DMBT1: variants seen among roughly 807,000 people sequenced by gnomAD.
DMBT1 encodes the protein scavenger receptor cysteine-rich domain-containing protein DMBT1.
In DMBT1, 198 loss-of-function variants were observed where a neutral mutation model predicts 252.9. The observed-to-expected ratio is 0.78, with a 90% CI of 0.70 to 0.88. The LOEUF (loss-of-function observed/expected upper bound fraction) is 0.88. Ranked by LOEUF, DMBT1 falls within the 40% of genes least tolerant of loss-of-function variation. The pLI is 0.00. For synonymous variants in DMBT1, 990 were observed against 942.7 expected (o/e 1.05, Z -0.92); for missense variants, 2,432 against 2,404.7 (o/e 1.01, Z -0.24).
At chr10:122,624,045 C>T (rs994072606) in intron 44 of DMBT1, among the ~76,000 whole-genome samples, 7 of 152,286 alleles carry the variant, frequency 4.6e-5, no homozygotes, top group East Asian at 1.9e-4. Flanking sequence ...GAATAAGCCT[C>T]GGGCCTGATG....
At chr10:122,569,173 A>G (rs2097636198) in intron 2 of DMBT1, among the ~76,000 whole-genome samples, 1 of 151,746 alleles carries the variant, frequency 6.6e-6, no homozygotes. Context: ...CAATCACCTC[A>G]TGGAGTGGTT....
At position 122,597,982 on chromosome 10, in the gene DMBT1, C is replaced by T; in HGVS notation, c.2926C>T (p.Pro976Ser). The stretch of plus-strand genomic sequence containing the variant: ...CTCTGTTGCAATTACAGACACATTG[C>T]CGACCATCACCTTGCCTGCATCGAC... Reference protein sequence around the residue: ...SWSTPSPDTLPTITLPASTVG... With the variant: ...SWSTPSPDTLSTITLPASTVG... The change falls in exon 25 of 56, where the codon CCG becomes TCG. Residue 976 changes from proline (P) to serine (S), a missense_variant. Pro to Ser is a moderately conservative substitution (Grantham distance 74). Transcript: ENST00000338354. 2 of 1,613,878 alleles carry T rather than the reference C, an allele frequency of 1.2e-6. No homozygotes were observed. The highest frequency in any genetic ancestry group is 1.7e-6 in the Non-Finnish European group (2 of 1,179,834).
At chr10:122,620,312 T>C in intron 43 of DMBT1, 21 bp downstream of exon 43, 1 of 1,613,372 alleles carries the variant, frequency 6.2e-7, no homozygotes, top group Non-Finnish European at 8.5e-7. Flanking sequence ...CTCTCGCCCC[T>C]CCCTAGGGCT....
chr10:122,600,837 C>T (rs2097945978), intron 27 of DMBT1, among the ~76,000 whole-genome samples, 154 bp from the exon 28 acceptor site: 1 of 152,124 alleles, frequency 6.6e-6, no homozygotes, highest in African/African-American at 2.4e-5. Context: ...GATGAGTTCA[C>T]AGCAGAGGAG....
chr10:122,629,935 G>A lies in DMBT1; in HGVS notation c.5764G>A (p.Val1922Ile), dbSNP rs750170346. 1.2e-5 allele frequency: 19 copies of A among 1,613,940 alleles called. No homozygotes were observed. The African/African-American group carries it at 2.1e-4, about 18-fold the overall frequency. The change falls in exon 47 of 56, where the codon GTT (valine) becomes ATT (isoleucine). Residue 1922 changes from valine to isoleucine, a missense_variant. Physicochemically the swap from Val to Ile is conservative, Grantham distance 29. Around this residue, in one of 3 missense-constraint regions of DMBT1, gnomAD observed 1,162 missense variants for 1,169.0 expected, o/e 0.99. Transcript: ENST00000338354. ...ATACTACCCCAACAATGCTAAGTGT[G>A]TTTGGGAAATAGAAGTGAATTCTGG... Reference protein sequence around the residue: ...PAYYPNNAKCVWEIEVNSGYR... With the variant: ...PAYYPNNAKCIWEIEVNSGYR...
chr10:122,598,706 G>A (rs549944043), intron 25 of DMBT1, 68 bp from the exon 26 acceptor site: 6 of 1,609,938 alleles, frequency 3.7e-6, no homozygotes, highest in Admixed American at 1.7e-5. Context: ...TGCCTTGAGT[G>A]TGGAACATTC....
chr10:122,601,159 C>A, intron 28 of DMBT1, 136 bp downstream of exon 28: 1 of 402,398 alleles, frequency 2.5e-6, no homozygotes, highest in Non-Finnish European at 4.2e-6. Flanking sequence ...AAGGTGGAAT[C>A]TCTGAGGAGC....
At chr10:122,617,373 G>A in intron 40 of DMBT1, 113 bp downstream of exon 40, 3 of 1,333,760 alleles carry the variant, frequency 2.2e-6, no homozygotes, top group Non-Finnish European at 3.2e-6. Flanking sequence ...GTCCCTGTGG[G>A]TTGGGTGGGA....
Position 122,629,823 on chromosome 10 carries a change from C to G in DMBT1, c.5669-17C>G. The stretch of plus-strand genomic sequence containing the variant: ...GAAGACCTGGTACAATGGAGATGTC[C>G]CCTCTCTCCTCTCTAGGACCCTCTT... On this transcript the variant is annotated splice_polypyrimidine_tract_variant and intron_variant, in intron 46 of 55. Coordinates refer to ENST00000338354, the MANE Select transcript of DMBT1 (RefSeq NM_001377530.1). 17 of 1,609,734 alleles carry G rather than the reference C, an allele frequency of 1.1e-5. No individual in the cohort carries two copies. The highest frequency in any genetic ancestry group is 1.4e-5 in the Non-Finnish European group (16 of 1,177,864).
chr10:122,628,905 G>A (rs113933923), intron 46 of DMBT1, among the ~76,000 whole-genome samples: 1,851 of 152,026 alleles, frequency 0.012, 37 homozygotes, highest in African/African-American at 0.041. Context: ...AATTGACTGT[G>A]GTGATTTCAG....
At chr10:122,586,464 T>G (rs2133570209) in intron 16 of DMBT1, 81 bp downstream of exon 16, 1 of 1,532,260 alleles carries the variant, frequency 6.5e-7, no homozygotes, top group East Asian at 2.4e-5. Flanking sequence ...ATCTCCTCAC[T>G]TAGAGCTTTT....
At chr10:122,600,032 C>A (rs746482732) in intron 26 of DMBT1, 32 bp from the exon 27 acceptor site, 5 of 1,607,832 alleles carry the variant, frequency 3.1e-6, no homozygotes, top group Non-Finnish European at 4.2e-6. Flanking sequence ...GTGTAATGTT[C>A]CTGATCTGAC....
rs1169896557 is a variant in DMBT1 at position 122,593,547 on chromosome 10, CCTTCT to C, written c.2501-13_2501-9del. ...CTTCTGTGTAATGTTCCTGATCTGACCTTCTCTTCTCTTTCTCACAGTTTCCCAGT... is the reference window on the plus strand; with the variant it reads ...CTTCTGTGTAATGTTCCTGATCTGACCTTCTCTTTCTCACAGTTTCCCAGT... On this transcript the variant is annotated splice_polypyrimidine_tract_variant and intron_variant, in intron 20 of 55. Coordinates refer to ENST00000338354, the MANE Select transcript of DMBT1 (RefSeq NM_001377530.1). 2.5e-6 allele frequency: 4 copies of C among 1,585,840 alleles called. No homozygotes were observed. Among genetic ancestry groups the C allele is most frequent in the East Asian group, 2.3e-5 (1 of 42,608 alleles).
chr10:122,621,016 C>A (rs755856833), intron 43 of DMBT1, 41 bp from the exon 44 acceptor site: 13 of 1,610,922 alleles, frequency 8.1e-6, no homozygotes, highest in Non-Finnish European at 1.1e-5. Context: ...TCCTTGACCT[C>A]ATAATCAGTA....
chr10:122,598,130 G>C (rs1047114416), intron 25 of DMBT1, 118 bp downstream of exon 25: 5 of 1,471,058 alleles, frequency 3.4e-6, no homozygotes, highest in Non-Finnish European at 3.8e-6. Flanking sequence ...GTCCCTGTGG[G>C]TTGCATGGGA....
At chr10:122,566,982 T>C (rs2097599796) in intron 2 of DMBT1, among the ~76,000 whole-genome samples, 1 of 152,204 alleles carries the variant, frequency 6.6e-6, no homozygotes, top group South Asian at 2.1e-4. Context: ...GCCCTGGTCT[T>C]TGACTTTGGC....
rs1485932313 is a variant in DMBT1, at chr10:122,636,019, A to G, written c.6577A>G (p.Ile2193Val). The G allele has an allele frequency of 1.9e-6, 3 of 1,613,852 alleles. No homozygotes were observed. Among genetic ancestry groups the G allele is most frequent in the African/African-American group, 1.3e-5 (1 of 74,910 alleles). The change falls in exon 53 of 56, where the codon ATT (isoleucine) becomes GTT (valine). Residue 2193 changes from isoleucine to valine, a missense_variant. Ile to Val is a conservative substitution (Grantham distance 29). This residue lies in a region of DMBT1 where 1,162 missense variants were observed against 1,169.0 expected (regional missense o/e 0.99). Transcript: ENST00000338354. ...TGAAGGTGGCTGCAACTATGATTATATTGAAGTTTTCGATGGCCCCTACCG... is the reference window on the plus strand; with the variant it reads ...TGAAGGTGGCTGCAACTATGATTATGTTGAAGTTTTCGATGGCCCCTACCG... Reference protein sequence around the residue: ...QLEGGCNYDYIEVFDGPYRSS... With the variant: ...QLEGGCNYDYVEVFDGPYRSS...
chr10:122,561,840 C>G (rs1327769370), intron 1 of DMBT1, among the ~76,000 whole-genome samples: 1 of 151,578 alleles, frequency 6.6e-6, no homozygotes, highest in East Asian at 1.9e-4. Context: ...CCCTCCTCCT[C>G]CTTCTCTGTT....
At chr10:122,628,061 C>T (rs915994876) in intron 46 of DMBT1, among the ~76,000 whole-genome samples, 12 of 152,282 alleles carry the variant, frequency 7.9e-5, no homozygotes, top group South Asian at 2.1e-4. Flanking sequence ...ACCTTATGCA[C>T]GGCTGCAGGG....
Sources: gnomAD v4.1 joint callset for allele counts (sites outside exome capture counted in the v4.1 genomes callset) on GRCh38, gnomAD v4.1.1 for gene constraint, gnomAD v4.1.1 regional missense constraint, MANE v1.5 for transcripts, NCBI Gene and HGNC (gene_info 2026-07-23, HGNC 2026-07-21) for gene names.